ZSWIM5: variants seen among roughly 807,000 people sequenced by gnomAD.
ZSWIM5 encodes the protein zinc finger SWIM domain-containing protein 5.
Under a neutral mutation model 119.6 loss-of-function variants are expected in ZSWIM5, and 55 were observed. The ratio of observed to expected loss-of-function variants is 0.46; its 90% confidence interval spans 0.37 to 0.58. ZSWIM5 has a LOEUF of 0.58. Among genes scored for constraint, ZSWIM5 ranks in the 20% least tolerant of loss-of-function variants. The probability of loss-of-function intolerance (pLI) is 0.00; values close to 1 mark genes in which losing one functional copy is unlikely to be tolerated. For missense variants in ZSWIM5, 1,193 were observed against 1,512.8 expected, an observed-to-expected ratio of 0.79 and a Z score of 3.51; for synonymous variants, 537 against 606.9, an observed-to-expected ratio of 0.88 and a Z score of 1.69.
At position 45,167,904 on chromosome 1, in the gene ZSWIM5, A is replaced by C. The variant is rs955565763; in HGVS notation, c.595+37852T>G. Among the ~76,000 whole-genome samples, 30 of 152,160 alleles carry C rather than the reference A, an allele frequency of 2.0e-4. 1 individual carries two copies. Among genetic ancestry groups the C allele is most frequent in the Admixed American group, 1.3e-3 (20 of 15,254 alleles). ...CTATAAACTAGTTCAACCATTGTGGAAGACAGTGTGGCAATTCCTCAAGGA... is the reference window on the plus strand; with the variant it reads ...CTATAAACTAGTTCAACCATTGTGGCAGACAGTGTGGCAATTCCTCAAGGA... On this transcript the variant is annotated intron_variant, in intron 1 of 13. Transcript: ENST00000359600.
At chr1:45,046,634 A>ATGTGTGTGTGTGTGTGTGTG (rs60762459) in intron 5 of ZSWIM5, among the ~76,000 whole-genome samples, 114 of 147,508 alleles carry the variant, frequency 7.7e-4, no homozygotes, top group Non-Finnish European at 1.3e-3. Context: ...TGGGCAAGAT[A>ATGTGTGTGTGTGTGTGTGTG]TGTGTGTGTG....
At chr1:45,161,584 T>C (rs1645863941) in intron 1 of ZSWIM5, among the ~76,000 whole-genome samples, 2 of 152,176 alleles carry the variant, frequency 1.3e-5, no homozygotes, top group Admixed American at 1.3e-4. Flanking sequence ...AGGTGAGTTA[T>C]TCCCTCCCCC....
chr1:45,032,521 C>G (rs1392022921), intron 11 of ZSWIM5, among the ~76,000 whole-genome samples: 1 of 145,992 alleles, frequency 6.8e-6, no homozygotes, highest in Admixed American at 6.9e-5. Flanking sequence ...GAGTCTCACT[C>G]TGTCACCCAG....
chr1:45,138,794 C>G (rs1645705883), intron 1 of ZSWIM5, among the ~76,000 whole-genome samples: 1 of 152,120 alleles, frequency 6.6e-6, no homozygotes, highest in Non-Finnish European at 1.5e-5. Context: ...GCAACCAGCT[C>G]CTATCCTCAC....
intron 6 of ZSWIM5, 146 bp from the exon 7 acceptor site, chr1:45,040,684 A>G: frequency 1.5e-6 from 1 of 657,014 alleles, no homozygotes; most frequent in Non-Finnish European, 2.4e-6. Context: ...CTTTATCTTT[A>G]AGGATATAAA....
chr1:45,082,290 C>T (rs1373715497), intron 2 of ZSWIM5, among the ~76,000 whole-genome samples: 1 of 150,322 alleles, frequency 6.7e-6, no homozygotes, highest in Non-Finnish European at 1.5e-5. Flanking sequence ...CCTGCCAAAT[C>T]CCCCTCTGTG....
In ZSWIM5 at chr1:45,043,180, A is replaced by C. The variant is rs1570014261; in HGVS notation, c.1609+39T>G. On this transcript the variant is annotated intron_variant, in intron 6 of 13. Coordinates refer to ENST00000359600, the MANE Select transcript of ZSWIM5 (RefSeq NM_020883.2). ...GCTCATTTGGGCCTGGCATGAAGTG[A>C]GGGTGGCTCTAAAGTTCTTAGAGGA... 6 of 1,602,850 alleles carry C rather than the reference A, an allele frequency of 3.7e-6. No individual in the cohort carries two copies. In the East Asian group the frequency reaches 1.3e-4, roughly 36 times the overall value.
intron 4 of ZSWIM5, among the ~76,000 whole-genome samples, chr1:45,056,894 G>C (rs779307907): frequency 1.3e-5 from 2 of 152,050 alleles, no homozygotes; most frequent in South Asian, 4.1e-4. Flanking sequence ...ATGTGTGATC[G>C]GTCCCATTTT....
At chr1:45,022,292 G>A (rs1319135196) in intron 11 of ZSWIM5, among the ~76,000 whole-genome samples, 4 of 151,556 alleles carry the variant, frequency 2.6e-5, no homozygotes, top group Non-Finnish European at 4.4e-5. Flanking sequence ...CACCACGCCC[G>A]GCTAATTTTT....
chr1:45,035,902 G>A, intron 9 of ZSWIM5, 79 bp from the exon 10 acceptor site: 4 of 1,584,586 alleles, frequency 2.5e-6, no homozygotes, highest in Non-Finnish European at 3.4e-6. Flanking sequence ...AGTATCTCAT[G>A]CATGTTTGCT....
At chr1:45,138,622 T>C (rs1010747293) in intron 1 of ZSWIM5, among the ~76,000 whole-genome samples, 2 of 152,008 alleles carry the variant, frequency 1.3e-5, no homozygotes, top group African/African-American at 2.4e-5. Flanking sequence ...GGGCTGACTA[T>C]GGGACATGAG....
chr1:45,035,549 G>T, intron 10 of ZSWIM5, 139 bp downstream of exon 10: 2 of 1,098,090 alleles, frequency 1.8e-6, no homozygotes, highest in Non-Finnish European at 2.6e-6. Context: ...AAATATCTGA[G>T]CCATTTTAAG....
At chr1:45,180,250 G>C (rs993528452) in intron 1 of ZSWIM5, among the ~76,000 whole-genome samples, 2 of 152,174 alleles carry the variant, frequency 1.3e-5, no homozygotes. Flanking sequence ...CTTTTCCGAC[G>C]GGCTTAGGAA....
At chr1:45,147,368 T>G (rs1376556406) in intron 1 of ZSWIM5, among the ~76,000 whole-genome samples, 5 of 152,024 alleles carry the variant, frequency 3.3e-5, no homozygotes, top group Non-Finnish European at 1.5e-5. Context: ...GTCATACTAA[T>G]TCAAGAGACA....
chr1:45,048,941 C>A (rs1019512860), intron 5 of ZSWIM5, among the ~76,000 whole-genome samples: 1 of 152,040 alleles, frequency 6.6e-6, no homozygotes, highest in African/African-American at 2.4e-5. Flanking sequence ...GGCAACATGA[C>A]GAAACCCTGT....
intron 1 of ZSWIM5, among the ~76,000 whole-genome samples, chr1:45,103,010 C>G (rs773373414): frequency 6.6e-6 from 1 of 151,970 alleles, no homozygotes; most frequent in Non-Finnish European, 1.5e-5. Context: ...CACAGGCATG[C>G]GCCACCAATA....
At chr1:45,184,150 C>A (rs1347928682) in intron 1 of ZSWIM5, among the ~76,000 whole-genome samples, 4 of 152,186 alleles carry the variant, frequency 2.6e-5, no homozygotes, top group Non-Finnish European at 4.4e-5. Flanking sequence ...ATAAAAACCA[C>A]ATGATTATCT....
intron 1 of ZSWIM5, among the ~76,000 whole-genome samples, chr1:45,103,731 G>A (rs79487566): frequency 0.017 from 2,620 of 152,322 alleles, 42 homozygotes; most frequent in Non-Finnish European, 0.024. Flanking sequence ...GAACTCATCT[G>A]TACAAGAAAA....
intron 1 of ZSWIM5, among the ~76,000 whole-genome samples, chr1:45,124,390 A>C (rs1468533281): frequency 6.6e-6 from 1 of 152,194 alleles, no homozygotes; most frequent in African/African-American, 2.4e-5. Context: ...TAAAATATCA[A>C]CATCAGTATA....
Sources: allele counts gnomAD v4.1 joint callset (sites outside exome capture counted in the v4.1 genomes callset), GRCh38; gene constraint gnomAD v4.1.1; transcripts MANE v1.5; gene names NCBI Gene and HGNC (gene_info 2026-07-23, HGNC 2026-07-21).